PPP3CA: variants seen among roughly 807,000 people sequenced by gnomAD.
PPP3CA encodes protein phosphatase 3 catalytic subunit alpha.
A neutral mutation model predicts 66.5 loss-of-function variants in PPP3CA; 14 were observed. The observed-to-expected ratio is 0.21, with a 90% CI of 0.14 to 0.33. PPP3CA has a LOEUF of 0.33. PPP3CA is among the 10% of genes least tolerant of loss of function. The pLI is 1.00. For missense variants in PPP3CA, 317 were observed against 639.5 expected, an observed-to-expected ratio of 0.50 and a Z score of 5.44; for synonymous variants, 232 against 226.2, an observed-to-expected ratio of 1.03 and a Z score of -0.23.
chr4:101,252,389 C>T (rs866888245), intron 1 of PPP3CA, among the ~76,000 whole-genome samples: 5 of 152,218 alleles, frequency 3.3e-5, no homozygotes, highest in Middle Eastern at 6.8e-3. Flanking sequence ...GGAATATAAG[C>T]ATTCACTCAA....
chr4:101,260,269 T>C (rs1560685848), intron 1 of PPP3CA, among the ~76,000 whole-genome samples: 1 of 152,284 alleles, frequency 6.6e-6, no homozygotes, highest in East Asian at 1.9e-4. Flanking sequence ...ATGGTGTGTT[T>C]GTATGTGTGT....
intron 8 of PPP3CA, among the ~76,000 whole-genome samples, chr4:101,063,752 TA>T (rs1433961298): frequency 6.6e-6 from 1 of 151,964 alleles, no homozygotes; most frequent in Non-Finnish European, 1.5e-5. Context: ...TGAATGAATT[TA>T]TTTTTAAAAA....
At chr4:101,340,217 G>A (rs956836597) in intron 1 of PPP3CA, among the ~76,000 whole-genome samples, 2 of 152,082 alleles carry the variant, frequency 1.3e-5, no homozygotes, top group Non-Finnish European at 2.9e-5. Flanking sequence ...CCAGTTGCAA[G>A]AGACAGAAGT....
chr4:101,048,844 G>C (rs1359288862), intron 10 of PPP3CA, among the ~76,000 whole-genome samples: 2 of 151,988 alleles, frequency 1.3e-5, no homozygotes, highest in Non-Finnish European at 2.9e-5. Context: ...GTGATATTTG[G>C]CATAAGGCTA....
At chr4:101,326,837 C>G (rs143032148) in intron 1 of PPP3CA, among the ~76,000 whole-genome samples, 53 of 152,234 alleles carry the variant, frequency 3.5e-4, no homozygotes, top group Admixed American at 1.2e-3. Flanking sequence ...CTGGGGATAA[C>G]AATTCAAGAG....
chr4:101,299,254 A>T (rs959039425), intron 1 of PPP3CA, among the ~76,000 whole-genome samples: 2 of 151,364 alleles, frequency 1.3e-5, no homozygotes, highest in African/African-American at 4.9e-5. Context: ...CATACAGCCC[A>T]TTAGAGTGTT....
intron 6 of PPP3CA, among the ~76,000 whole-genome samples, chr4:101,091,855 T>TG (rs913377944): frequency 6.9e-5 from 10 of 144,224 alleles, no homozygotes; most frequent in African/African-American, 1.3e-4. Context: ...ATAATAATAA[T>TG]AATAATAATG....
Position 101,109,093 on chromosome 4 carries a change from A to T in PPP3CA, c.260-15T>A. ...GTCCCCACAAACTGAAAGAAACAAA[A>T]TTCATTTTATGGTCATATTATGTTA... On this transcript the variant is annotated splice_polypyrimidine_tract_variant and intron_variant, in intron 2 of 13. Coordinates refer to ENST00000394854, the MANE Select transcript of PPP3CA (RefSeq NM_000944.5). 6.2e-7 allele frequency: 1 copy of T among 1,610,212 alleles called. No homozygotes were observed. The highest frequency in any genetic ancestry group is 8.5e-7 in the Non-Finnish European group (1 of 1,176,926).
chr4:101,102,980 C>T (rs1486462439), intron 3 of PPP3CA, among the ~76,000 whole-genome samples: 1 of 152,168 alleles, frequency 6.6e-6, no homozygotes, highest in Non-Finnish European at 1.5e-5. Flanking sequence ...GTTTAGGTTA[C>T]TCAATATGAA....
chr4:101,326,309 T>C (rs547740979), intron 1 of PPP3CA, among the ~76,000 whole-genome samples: 2 of 152,354 alleles, frequency 1.3e-5, no homozygotes, highest in Admixed American at 1.3e-4. Context: ...ACTAGCTCTC[T>C]GATCATGAGA....
intron 1 of PPP3CA, among the ~76,000 whole-genome samples, chr4:101,229,691 C>A (rs1036420527): frequency 1.3e-5 from 2 of 151,446 alleles, no homozygotes; most frequent in South Asian, 4.2e-4. Context: ...CCACTATAAC[C>A]CTTGGGCCAA....
intron 2 of PPP3CA, among the ~76,000 whole-genome samples, chr4:101,132,921 C>T (rs1722495022): frequency 6.6e-6 from 1 of 152,160 alleles, no homozygotes; most frequent in African/African-American, 2.4e-5. Flanking sequence ...CAGCTTCATC[C>T]CTGGGATGCA....
intron 10 of PPP3CA, among the ~76,000 whole-genome samples, chr4:101,048,022 C>G (rs1033246963): frequency 6.6e-6 from 1 of 152,020 alleles, no homozygotes. Flanking sequence ...TTACATTGCT[C>G]CCTTGATTAA....
intron 12 of PPP3CA, among the ~76,000 whole-genome samples, chr4:101,031,873 G>C (rs1344242806): frequency 6.6e-6 from 1 of 152,192 alleles, no homozygotes. Flanking sequence ...GTGGTTATGT[G>C]TGTATGTGTT....
intron 2 of PPP3CA, among the ~76,000 whole-genome samples, chr4:101,168,916 C>T (rs917370220): frequency 6.6e-6 from 1 of 152,152 alleles, no homozygotes; most frequent in African/African-American, 2.4e-5. Flanking sequence ...CCATCTTAGC[C>T]TTCTAAAGCA....
At chr4:101,161,677 A>G (rs1299667791) in intron 2 of PPP3CA, among the ~76,000 whole-genome samples, 1 of 152,192 alleles carries the variant, frequency 6.6e-6, no homozygotes, top group African/African-American at 2.4e-5. Context: ...TGAGAGCTTT[A>G]CAATACTTGG....
intron 1 of PPP3CA, among the ~76,000 whole-genome samples, chr4:101,219,123 TG>T: frequency 6.6e-6 from 1 of 152,022 alleles, no homozygotes; most frequent in Admixed American, 6.6e-5. Flanking sequence ...TGGAAGGGTG[TG>T]ACTGGGGCTT....
intron 3 of PPP3CA, among the ~76,000 whole-genome samples, chr4:101,105,369 G>C (rs1291971619): frequency 6.6e-6 from 1 of 151,514 alleles, no homozygotes; most frequent in Non-Finnish European, 1.5e-5. Flanking sequence ...GTTTCACCAT[G>C]TTGGCCAGGA....
At chr4:101,161,164 A>G (rs1723495180) in intron 2 of PPP3CA, among the ~76,000 whole-genome samples, 1 of 152,154 alleles carries the variant, frequency 6.6e-6, no homozygotes, top group African/African-American at 2.4e-5. Flanking sequence ...GAGAAGCAAT[A>G]GGCTACATCA....
Sources: gnomAD v4.1 joint callset for allele counts (sites outside exome capture counted in the v4.1 genomes callset) on GRCh38, gnomAD v4.1.1 for gene constraint, MANE v1.5 for transcripts, NCBI Gene and HGNC (gene_info 2026-07-23, HGNC 2026-07-21) for gene names.